SLC45A4: variants seen among roughly 807,000 people sequenced by gnomAD.
The protein encoded by SLC45A4 is polyamine-transporter SLC45A4.
SLC45A4 carries 32 observed loss-of-function variants against 63.7 expected under a neutral mutation model. The ratio of observed to expected loss-of-function variants is 0.50; its 90% CI spans 0.38 to 0.67. The LOEUF (loss-of-function observed/expected upper bound fraction) is 0.67, where lower values mean the gene tolerates loss of function less well. SLC45A4 is among the 30% of genes least tolerant of loss of function. SLC45A4 has a pLI of 0.00. For synonymous variants in SLC45A4, 535 were observed against 510.0 expected (o/e 1.05, Z -0.66); for missense variants, 1,027 against 1,157.7 (o/e 0.89, Z 1.64).
intron 1 of SLC45A4, among the ~76,000 whole-genome samples, chr8:141,304,064 C>A (rs954153509): frequency 9.0e-5 from 11 of 122,048 alleles, no homozygotes; most frequent in Non-Finnish European, 1.6e-4. Flanking sequence ...GGAGCCCTCA[C>A]TAGACAGGAA....
At position 141,254,131 on chromosome 8, in the gene SLC45A4, G is replaced by A. The variant is rs1329162072; in HGVS notation, c.99C>T (p.Ala33=). The A allele has an allele frequency of 5.2e-6, 8 of 1,536,038 alleles. No individual in the cohort carries two copies. The highest frequency in any genetic ancestry group is 3.6e-5 in the South Asian group (3 of 84,066). Residue 33 remains alanine, a synonymous_variant, in exon 2 of 9, where the codon GCC becomes GCT. Transcript: ENST00000517878. The surrounding 1 kb of genome is among the most constrained non-coding windows in gnomAD (Gnocchi z 4.5). The part of the protein sequence containing the change: ...PDPQKAGGAE[A]ENCETISEGS... ...CCTCGCTGATGGTCTCGCAGTTCTC[G>A]GCCTCTGCGCCTCCGGCTTTCTGCG... is the stretch of plus-strand genomic sequence containing the variant.
chr8:141,294,125 ATCTCTGTAGACCAGGG>A (rs1196075869), intron 1 of SLC45A4, among the ~76,000 whole-genome samples: 2 of 151,792 alleles, frequency 1.3e-5, no homozygotes, highest in African/African-American at 2.4e-5. Context: ...GTGGCCCAGG[ATCTCTGTAGACCAGGG>A]TCTCCGTGGA....
intron 7 of SLC45A4, among the ~76,000 whole-genome samples, chr8:141,214,361 G>A (rs75780436): frequency 7.2e-4 from 109 of 152,260 alleles, no homozygotes; most frequent in African/African-American, 2.4e-3. Flanking sequence ...AGGAGAAAAC[G>A]GAGCTCATTA....
chr8:141,239,751 C>T (rs751814766), intron 2 of SLC45A4, among the ~76,000 whole-genome samples: 2 of 152,306 alleles, frequency 1.3e-5, no homozygotes, highest in Admixed American at 1.3e-4. Flanking sequence ...AGAGACAACA[C>T]GCTGAGTTCC....
At position 141,215,662 on chromosome 8, in the gene SLC45A4, G is replaced by A. The variant is rs572862454; in HGVS notation, c.1941+97C>T. On this transcript the variant is annotated intron_variant, in intron 7 of 8. Transcript: ENST00000517878. The surrounding 1 kb of genome is among the most constrained non-coding windows in gnomAD (Gnocchi z 4.3). ...GAGAGGAAGGAGGGCCATCTGTGTCGTGAACGTCCCCCCGGGGAAGCACAG... is the reference window on the plus strand; with the variant it reads ...GAGAGGAAGGAGGGCCATCTGTGTCATGAACGTCCCCCCGGGGAAGCACAG... 45 of 1,291,490 alleles carry A rather than the reference G, an allele frequency of 3.5e-5. No homozygotes were observed. Among genetic ancestry groups the A allele is most frequent in the African/African-American group, 1.8e-4 (12 of 68,474 alleles). 80.0% of individuals were successfully genotyped at this position (1,291,490 alleles called of 1,614,324 possible).
At position 141,218,808 on chromosome 8, in the gene SLC45A4, G is replaced by A. The variant is rs1589766382; in HGVS notation, c.832C>T (p.His278Tyr). 2.5e-6 allele frequency: 4 copies of A among 1,613,084 alleles called. No homozygotes were observed. In the African/African-American group the frequency reaches 5.3e-5, roughly 21 times the overall value. The change falls in exon 5 of 9, where the codon CAC becomes TAC. Residue 278 changes from histidine to tyrosine, a missense_variant. By Grantham distance (83) the His-to-Tyr change is moderately conservative. Transcript: ENST00000517878. Reference sequence around the variant, plus strand: ...TCGTCTGGGAAGGCAGGGACGCCGTGCGGCTCGCCCCCATCCAGGGCGCCG... The same window carrying A: ...TCGTCTGGGAAGGCAGGGACGCCGTACGGCTCGCCCCCATCCAGGGCGCCG... ...EPGALDGGEP[H>Y]GVPAFPDEVQ... is the part of the protein sequence containing the mutation.
At chr8:141,292,449 G>T (rs1830384087) in intron 1 of SLC45A4, among the ~76,000 whole-genome samples, 1 of 152,252 alleles carries the variant, frequency 6.6e-6, no homozygotes, top group African/African-American at 2.4e-5. Context: ...ACAGAGCCCC[G>T]CACGCGCCCA....
chr8:141,254,248 T>C lies in SLC45A4; in HGVS notation c.-19A>G. The C allele has an allele frequency of 6.6e-7, 1 of 1,511,878 alleles. No individual in the cohort carries two copies. The highest frequency in any genetic ancestry group is 8.8e-7 in the Non-Finnish European group (1 of 1,133,042). 93.7% of individuals were successfully genotyped at this position (1,511,878 alleles called of 1,614,324 possible). A position where few individuals can be genotyped will look rare whatever the true frequency, so the allele number is the denominator to read the frequency against. On this transcript the variant is annotated 5_prime_UTR_variant, in exon 2 of 9. In the 5' UTR this introduces an upstream ATG that the reference lacks. Transcript: ENST00000517878. The surrounding 1 kb of genome is among the most constrained non-coding windows in gnomAD (Gnocchi z 4.5). ...TTTTCATTACCACCAAAAATATATGTATTTATCTATATATTCTATCTATAT... is the reference window on the plus strand; with the variant it reads ...TTTTCATTACCACCAAAAATATATGCATTTATCTATATATTCTATCTATAT...
intron 2 of SLC45A4, among the ~76,000 whole-genome samples, chr8:141,253,661 C>T (rs1828629666): frequency 6.6e-6 from 1 of 152,228 alleles, no homozygotes; most frequent in African/African-American, 2.4e-5. Context: ...CCTCGTTGTT[C>T]ACTGTGGCCT....
rs1197586133 is a variant in SLC45A4 at position 141,278,716 on chromosome 8, T to C, written c.-400-24087A>G. 6.6e-6 allele frequency among the ~76,000 whole-genome samples: 1 copy of C among 152,262 alleles called. No individual in the cohort carries two copies. The highest frequency in any genetic ancestry group is 1.9e-4 in the East Asian group (1 of 5,196). On this transcript the variant is annotated intron_variant, in intron 1 of 8. Transcript: ENST00000517878. This position sits in a 1 kb window ranked among gnomAD's most constrained non-coding sequence, Gnocchi z 4.1. ...AGCAGAAAAATGCAATGCAATCAGC[T>C]GACCAGAGAGGAAGCTGGGCTCCTT...
chr8:141,218,413 C>T lies in SLC45A4; in HGVS notation c.1227G>A (p.Ser409=), dbSNP rs753768849. The T allele has an allele frequency of 2.4e-5, 39 of 1,610,604 alleles. No homozygotes were observed. Among genetic ancestry groups the T allele is most frequent in the East Asian group, 1.6e-4 (7 of 44,876 alleles). The change falls in exon 5 of 9, where the codon TCG becomes TCA. Residue 409 remains serine, a synonymous_variant. Coordinates refer to ENST00000517878, the MANE Select transcript of SLC45A4 (RefSeq NM_001286646.2). ...TRVDTKPSAT[S]SSMRRRRHAF... ...CGTGCCGCCGCCGCCGCATGGAGCT[C>T]GACGTGGCCGAGGGCTTCGTGTCCA...
chr8:141,237,595 C>T (rs1418204066), intron 2 of SLC45A4, among the ~76,000 whole-genome samples: 1 of 152,126 alleles, frequency 6.6e-6, no homozygotes, highest in Non-Finnish European at 1.5e-5. Flanking sequence ...CTCCTCCAGA[C>T]CTGGAGGGCC....
chr8:141,277,284 G>A (rs1411333958), intron 1 of SLC45A4, among the ~76,000 whole-genome samples: 4 of 152,216 alleles, frequency 2.6e-5, no homozygotes, highest in Admixed American at 6.5e-5. Flanking sequence ...CGGAATGAAA[G>A]GACCATCATG....
chr8:141,296,078 T>C (rs1244893263), intron 1 of SLC45A4, among the ~76,000 whole-genome samples: 2 of 152,102 alleles, frequency 1.3e-5, no homozygotes, highest in Admixed American at 6.6e-5. Flanking sequence ...ACGCCTGTAA[T>C]CCAACACTTT....
At chr8:141,302,713 T>C (rs955295613) in intron 1 of SLC45A4, among the ~76,000 whole-genome samples, 1 of 152,192 alleles carries the variant, frequency 6.6e-6, no homozygotes, top group African/African-American at 2.4e-5. Flanking sequence ...ACATTCCTAA[T>C]TCATTCATCA....
rs1338973457 is a variant in SLC45A4 at position 141,229,653 on chromosome 8, C to T, written c.242-7888G>A. On this transcript the variant is annotated intron_variant, in intron 2 of 8. Coordinates refer to ENST00000517878, the MANE Select transcript of SLC45A4 (RefSeq NM_001286646.2). This position sits in a 1 kb window ranked among gnomAD's most constrained non-coding sequence, Gnocchi z 5.0. ...GCCTGCACCCATGGCAGAGACCCTG[C>T]TGCCACTCCAGTGCGTGCCAGGTGG... 1.3e-5 allele frequency among the ~76,000 whole-genome samples: 2 copies of T among 152,198 alleles called. No individual in the cohort carries two copies. The highest frequency in any genetic ancestry group is 2.9e-5 in the Non-Finnish European group (2 of 68,026).
intron 1 of SLC45A4, among the ~76,000 whole-genome samples, chr8:141,285,643 C>A (rs965055570): frequency 3.3e-5 from 5 of 152,234 alleles, no homozygotes; most frequent in African/African-American, 9.6e-5. Context: ...GAGACGCGCA[C>A]CCCAAGTTAG....
At position 141,207,177 on chromosome 8, in the gene SLC45A4, G is replaced by A. The variant is rs935159194; in HGVS notation, c.*4395C>T. On this transcript the variant is annotated 3_prime_UTR_variant, in exon 9 of 9. Transcript: ENST00000517878. Reference sequence around the variant, plus strand: ...CAGACACACCCACATCATCATGTCAGAGGGAAAAGTTTATTGAGTCAGCCA... The same window carrying A: ...CAGACACACCCACATCATCATGTCAAAGGGAAAAGTTTATTGAGTCAGCCA... 1 of 152,566 alleles carries A rather than the reference G, an allele frequency of 6.6e-6. No homozygotes were observed. The highest frequency in any genetic ancestry group is 1.5e-5 in the Non-Finnish European group (1 of 68,256). The allele number at this position is 152,566 out of a possible 1,614,324, so 9.5% of individuals were successfully genotyped here.
intron 2 of SLC45A4, 136 bp downstream of exon 2, chr8:141,253,853 G>T: frequency 1.5e-6 from 2 of 1,370,918 alleles, no homozygotes; most frequent in Admixed American, 2.6e-5. Flanking sequence ...GCAGGCTGAA[G>T]GGAGAGGAGA....
Sources: gnomAD v4.1 joint callset for allele counts (sites outside exome capture counted in the v4.1 genomes callset) on GRCh38, gnomAD v4.1.1 for gene constraint, Gnocchi (gnomAD v3.1) non-coding constraint, MANE v1.5 for transcripts, NCBI Gene and HGNC (gene_info 2026-07-23, HGNC 2026-07-21) for gene names.